Variants in NEGR1 observed in about 807,000 individuals in gnomAD.
The protein encoded by NEGR1 is IgLON family member 4.
A neutral mutation model predicts 40.9 loss-of-function variants in NEGR1; 10 were observed. That is an observed-to-expected ratio of 0.24 (90% confidence interval 0.15 to 0.42). The LOEUF (loss-of-function observed/expected upper bound fraction) is 0.42, where lower values mean the gene tolerates loss of function less well. NEGR1 is among the 10% of genes least tolerant of loss of function. The pLI is 1.00. For missense variants in NEGR1, 352 were observed against 438.9 expected, an observed-to-expected ratio of 0.80 and a Z score of 1.77; for synonymous variants, 185 against 166.8, an observed-to-expected ratio of 1.11 and a Z score of -0.84.
intron 1 of NEGR1, among the ~76,000 whole-genome samples, chr1:72,034,752 AC>A (rs1329398650): frequency 1.3e-5 from 2 of 152,204 alleles, no homozygotes; most frequent in Non-Finnish European, 2.9e-5. Flanking sequence ...TCACAACATG[AC>A]CATAATACAG....
intron 1 of NEGR1, among the ~76,000 whole-genome samples, chr1:72,008,536 A>G (rs1030976336): frequency 6.6e-6 from 1 of 152,162 alleles, no homozygotes; most frequent in African/African-American, 2.4e-5. Context: ...TGCTTTAAGA[A>G]TTAAATGAGA....
intron 1 of NEGR1, among the ~76,000 whole-genome samples, chr1:72,166,130 C>A (rs1557559023): frequency 6.6e-6 from 1 of 151,808 alleles, no homozygotes; most frequent in African/African-American, 2.4e-5. Flanking sequence ...AAATATATAC[C>A]TTTTTTCCCA....
At chr1:71,818,386 C>T (rs1290348267) in intron 2 of NEGR1, among the ~76,000 whole-genome samples, 1 of 151,864 alleles carries the variant, frequency 6.6e-6, no homozygotes, top group African/African-American at 2.4e-5. Context: ...GTCTTTGCAA[C>T]AGCAACAAGG....
chr1:72,197,120 G>T (rs1415800943), intron 1 of NEGR1, among the ~76,000 whole-genome samples: 1 of 151,914 alleles, frequency 6.6e-6, no homozygotes, highest in Non-Finnish European at 1.5e-5. Flanking sequence ...ATGTATCATG[G>T]ATTTTTATGT....
chr1:71,651,504 G>T (rs1262410842), intron 4 of NEGR1, among the ~76,000 whole-genome samples: 5 of 151,986 alleles, frequency 3.3e-5, no homozygotes, highest in African/African-American at 1.2e-4. Flanking sequence ...TTAAAACCTT[G>T]CTTCTCTTCT....
intron 1 of NEGR1, among the ~76,000 whole-genome samples, chr1:72,270,448 G>T (rs547028153): frequency 6.6e-6 from 1 of 151,950 alleles, no homozygotes; most frequent in South Asian, 2.1e-4. Flanking sequence ...ATTGCCTTCA[G>T]CATAACCTAC....
intron 6 of NEGR1, among the ~76,000 whole-genome samples, chr1:71,458,537 A>T (rs2101340068): frequency 1.3e-5 from 2 of 152,312 alleles, no homozygotes; most frequent in Admixed American, 1.3e-4. Context: ...AATTTCATTT[A>T]GATTGTCTCT....
intron 2 of NEGR1, among the ~76,000 whole-genome samples, chr1:71,878,800 T>C (rs1660503351): frequency 6.6e-6 from 1 of 152,120 alleles, no homozygotes; most frequent in African/African-American, 2.4e-5. Context: ...AAAAGAAACA[T>C]AGAGCTATAT....
At chr1:71,479,959 A>C (rs1031913448) in intron 6 of NEGR1, among the ~76,000 whole-genome samples, 1 of 151,950 alleles carries the variant, frequency 6.6e-6, no homozygotes, top group Non-Finnish European at 1.5e-5. Context: ...TATGTGATTC[A>C]TATAAATTTT....
chr1:71,886,712 A>AAT (rs1660734866), intron 2 of NEGR1, among the ~76,000 whole-genome samples: 1 of 152,182 alleles, frequency 6.6e-6, no homozygotes, highest in South Asian at 2.1e-4. Flanking sequence ...AGTAAAGATA[A>AAT]ATAAGATATA....
intron 1 of NEGR1, among the ~76,000 whole-genome samples, chr1:72,139,891 T>C (rs552431446): frequency 6.6e-6 from 1 of 152,214 alleles, no homozygotes; most frequent in African/African-American, 2.4e-5. Flanking sequence ...TTTCTTCCTC[T>C]TTTGACAACA....
At chr1:71,913,594 C>T (rs1451154078) in intron 2 of NEGR1, among the ~76,000 whole-genome samples, 2 of 152,168 alleles carry the variant, frequency 1.3e-5, no homozygotes, top group Non-Finnish European at 2.9e-5. Context: ...TATGTTAATA[C>T]TGAAAGAAGA....
intron 1 of NEGR1, among the ~76,000 whole-genome samples, chr1:72,209,599 C>T (rs1557579763): frequency 1.3e-5 from 2 of 151,818 alleles, no homozygotes; most frequent in African/African-American, 4.8e-5. Context: ...TAAATTTCGA[C>T]AATTTTTATT....
intron 5 of NEGR1, among the ~76,000 whole-genome samples, chr1:71,608,495 C>CCT (rs1553153339): frequency 0.013 from 1,758 of 138,618 alleles, 52 homozygotes; most frequent in African/African-American, 0.044. Flanking sequence ...ATTACTGTAG[C>CCT]TTTTTTTTTT....
intron 3 of NEGR1, among the ~76,000 whole-genome samples, chr1:71,761,526 T>C (rs1335963184): frequency 6.6e-6 from 1 of 152,202 alleles, no homozygotes; most frequent in Non-Finnish European, 1.5e-5. Flanking sequence ...ATTAAACTTA[T>C]AGCTGAGGTA....
At chr1:72,107,126 G>T (rs937343043) in intron 1 of NEGR1, among the ~76,000 whole-genome samples, 1 of 151,640 alleles carries the variant, frequency 6.6e-6, no homozygotes, top group Non-Finnish European at 1.5e-5. Flanking sequence ...AGGTTACAAT[G>T]AATCAACTGA....
intron 6 of NEGR1, among the ~76,000 whole-genome samples, chr1:71,423,975 T>C (rs1557521116): frequency 6.6e-6 from 1 of 151,960 alleles, no homozygotes; most frequent in Admixed American, 6.6e-5. Context: ...CTATTGTGAA[T>C]GTTGGAGGAG....
chr1:71,528,028 A>AT (rs149093825), intron 6 of NEGR1, among the ~76,000 whole-genome samples: 2,166 of 151,366 alleles, frequency 0.014, 61 homozygotes, highest in African/African-American at 0.049. Context: ...TTCTGTATTC[A>AT]TTTTTTTGGT....
At chr1:71,780,294 C>G (rs1401498580) in intron 2 of NEGR1, among the ~76,000 whole-genome samples, 1 of 152,034 alleles carries the variant, frequency 6.6e-6, no homozygotes, top group Non-Finnish European at 1.5e-5. Flanking sequence ...TGACCTAGGG[C>G]AGAGTTATAA....
Sources: allele counts gnomAD v4.1 joint callset (sites outside exome capture counted in the v4.1 genomes callset), GRCh38; gene constraint gnomAD v4.1.1; transcripts MANE v1.5; gene names NCBI Gene and HGNC (gene_info 2026-07-23, HGNC 2026-07-21).